GABBR2: variants seen among roughly 807,000 people sequenced by gnomAD.
GABBR2 encodes G-protein coupled receptor 51.
In GABBR2, 23 loss-of-function variants were observed where a neutral mutation model predicts 105.6. The observed-to-expected ratio is 0.22, with a 90% CI of 0.16 to 0.31. The LOEUF is 0.31. GABBR2 is among the 10% of genes least tolerant of loss of function. The pLI is 1.00. For missense variants in GABBR2, 734 were observed against 1,245.5 expected, an observed-to-expected ratio of 0.59 and a Z score of 6.18; for synonymous variants, 478 against 499.7, an observed-to-expected ratio of 0.96 and a Z score of 0.58.
At position 98,481,016 on chromosome 9, in the gene GABBR2, A is replaced by C; in HGVS notation, c.733-19T>G. On this transcript the variant is annotated intron_variant, in intron 4 of 18. Coordinates refer to ENST00000259455, the MANE Select transcript of GABBR2 (RefSeq NM_005458.8). Reference sequence around the variant, plus strand: ...CATTCCCCTGTGGATGGAAGGACACATCATGAAGGTGAGTAGATGTTCAGC... The same window carrying C: ...CATTCCCCTGTGGATGGAAGGACACCTCATGAAGGTGAGTAGATGTTCAGC... 1 of 1,536,372 alleles carries C rather than the reference A, an allele frequency of 6.5e-7. No homozygotes were observed. The highest frequency in any genetic ancestry group is 9.0e-7 in the Non-Finnish European group (1 of 1,109,092).
intron 13 of GABBR2, among the ~76,000 whole-genome samples, chr9:98,324,894 G>A (rs2131380654): frequency 6.6e-6 from 1 of 151,896 alleles, no homozygotes; most frequent in African/African-American, 2.4e-5. Flanking sequence ...ATACCCTCTG[G>A]CAACAAATAT....
chr9:98,352,612 C>T (rs556519991), intron 13 of GABBR2, among the ~76,000 whole-genome samples: 87 of 152,154 alleles, frequency 5.7e-4, no homozygotes, highest in African/African-American at 1.9e-3. Context: ...GTGAGTGGGA[C>T]AGACTGGTCC....
intron 3 of GABBR2, among the ~76,000 whole-genome samples, chr9:98,498,562 G>C (rs1037475233): frequency 6.6e-6 from 1 of 152,152 alleles, no homozygotes; most frequent in African/African-American, 2.4e-5. Context: ...TTATTTCTTT[G>C]ACAGAAATAT....
At chr9:98,416,107 C>A (rs1832685875) in intron 7 of GABBR2, among the ~76,000 whole-genome samples, 1 of 152,150 alleles carries the variant, frequency 6.6e-6, no homozygotes, top group Non-Finnish European at 1.5e-5. Context: ...TGTAAATACA[C>A]CCACCATGGT....
At chr9:98,585,628 A>G (rs962822706) in intron 1 of GABBR2, among the ~76,000 whole-genome samples, 29 of 127,494 alleles carry the variant, frequency 2.3e-4, no homozygotes, top group Middle Eastern at 7.6e-3. Flanking sequence ...GTACCCTAAA[A>G]CTTAAAGTAT....
intron 1 of GABBR2, among the ~76,000 whole-genome samples, chr9:98,673,572 C>A (rs1308328432): frequency 7.9e-6 from 1 of 126,716 alleles, no homozygotes; most frequent in African/African-American, 2.9e-5. Flanking sequence ...TACGAGAAAA[C>A]GTTTTCTAAG....
intron 11 of GABBR2, among the ~76,000 whole-genome samples, chr9:98,383,788 A>G (rs1270232030): frequency 6.6e-6 from 1 of 152,132 alleles, no homozygotes; most frequent in Non-Finnish European, 1.5e-5. Context: ...AATCCCCTAG[A>G]CTGTAAGATC....
chr9:98,356,031 T>C lies in GABBR2; in HGVS notation c.1893+6684A>G, dbSNP rs146161711. ...GCAAAAGGAGTCTAGACATAGACCT[T>C]ACACCTTTCACAAAATTTTACTCAA... On this transcript the variant is annotated intron_variant, in intron 13 of 18. Coordinates refer to ENST00000259455, the MANE Select transcript of GABBR2 (RefSeq NM_005458.8). 2.1e-3 allele frequency among the ~76,000 whole-genome samples: 314 copies of C among 152,322 alleles called. 2 individuals are homozygous for C. Among genetic ancestry groups the C allele is most frequent in the African/African-American group, 7.3e-3 (303 of 41,570 alleles).
At chr9:98,630,384 A>G (rs757890272) in intron 1 of GABBR2, among the ~76,000 whole-genome samples, 1 of 152,218 alleles carries the variant, frequency 6.6e-6, no homozygotes, top group Non-Finnish European at 1.5e-5. Flanking sequence ...GTTATTCACT[A>G]CATGATGGTA....
At chr9:98,355,315 G>T (rs904084892) in intron 13 of GABBR2, among the ~76,000 whole-genome samples, 1 of 151,204 alleles carries the variant, frequency 6.6e-6, no homozygotes, top group African/African-American at 2.4e-5. Context: ...GTGAGTAAAC[G>T]CTATCAGAAA....
intron 16 of GABBR2, 60 bp downstream of exon 16, chr9:98,303,181 C>A: frequency 4.3e-6 from 6 of 1,407,856 alleles, no homozygotes; most frequent in Middle Eastern, 4.8e-4. Context: ...AGTCCCCGCA[C>A]AGGGTTAGAG....
At chr9:98,508,548 T>C (rs962955197) in intron 3 of GABBR2, among the ~76,000 whole-genome samples, 12 of 152,032 alleles carry the variant, frequency 7.9e-5, no homozygotes, top group Non-Finnish European at 1.2e-4. Context: ...ACCTGGAAAA[T>C]TGGGTCACTC....
chr9:98,523,647 G>A (rs954990190), intron 3 of GABBR2, among the ~76,000 whole-genome samples: 2 of 152,206 alleles, frequency 1.3e-5, no homozygotes, highest in African/African-American at 2.4e-5. Flanking sequence ...GCTAGGAAGT[G>A]CAACCGGGAA....
In GABBR2 at chr9:98,570,786, C is replaced by A. The variant is rs142501555; in HGVS notation, c.459+7149G>T. Among the ~76,000 whole-genome samples, 160 of 152,314 alleles carry A rather than the reference C, an allele frequency of 1.1e-3. 1 individual carries two copies. The highest frequency in any genetic ancestry group is 3.6e-3 in the African/African-American group (150 of 41,582). On this transcript the variant is annotated intron_variant, in intron 2 of 18. Coordinates refer to ENST00000259455, the MANE Select transcript of GABBR2 (RefSeq NM_005458.8). ...GCGGGGGTTCCTGAGATGGGAGATGCGGGCTGAGGCTGAGCCCAAGGCTGT... is the reference window on the plus strand; with the variant it reads ...GCGGGGGTTCCTGAGATGGGAGATGAGGGCTGAGGCTGAGCCCAAGGCTGT...
At chr9:98,434,333 T>C (rs1825864996) in intron 7 of GABBR2, among the ~76,000 whole-genome samples, 1 of 152,166 alleles carries the variant, frequency 6.6e-6, no homozygotes, top group Admixed American at 6.5e-5. Context: ...TAGACATCTA[T>C]CCTATTAGTT....
intron 4 of GABBR2, chr9:98,495,980 C>G (rs1338377867): frequency 5.8e-6 from 1 of 171,272 alleles, no homozygotes; most frequent in Non-Finnish European, 1.3e-5. Context: ...GGGGAAACTT[C>G]TCGTTGACCC....
chr9:98,640,145 T>TATATAA (rs1418562080), intron 1 of GABBR2, among the ~76,000 whole-genome samples: 55 of 145,190 alleles, frequency 3.8e-4, no homozygotes, highest in Non-Finnish European at 6.9e-4. Flanking sequence ...TATATATATA[T>TATATAA]AAACAATCTG....
chr9:98,676,664 C>A (rs1273138103), intron 1 of GABBR2, among the ~76,000 whole-genome samples: 4 of 152,124 alleles, frequency 2.6e-5, no homozygotes, highest in Non-Finnish European at 4.4e-5. Context: ...GCAACTACTT[C>A]AATGAGGGCA....
At chr9:98,308,767 G>C (rs936497070) in intron 14 of GABBR2, among the ~76,000 whole-genome samples, 5 of 152,334 alleles carry the variant, frequency 3.3e-5, no homozygotes, top group African/African-American at 1.2e-4. Flanking sequence ...GTGTCTGTCT[G>C]GATTTTGGAC....
Sources: allele counts gnomAD v4.1 joint callset (sites outside exome capture counted in the v4.1 genomes callset), GRCh38; gene constraint gnomAD v4.1.1; transcripts MANE v1.5; gene names NCBI Gene and HGNC (gene_info 2026-07-23, HGNC 2026-07-21).